DAGLB: variants seen among roughly 807,000 people sequenced by gnomAD.
The protein encoded by DAGLB is diacylglycerol lipase-beta.
Under a neutral mutation model 72.1 loss-of-function variants are expected in DAGLB, and 66 were observed. That is an observed-to-expected ratio of 0.92 (90% CI 0.75 to 1.12). The LOEUF (loss-of-function observed/expected upper bound fraction) is 1.12, where lower values mean the gene tolerates loss of function less well. DAGLB is among the 50% of genes most tolerant of loss of function. The pLI is 0.00. For missense variants in DAGLB, 1,065 were observed against 884.9 expected (o/e 1.20, Z -2.58); for synonymous variants, 414 against 359.5 (o/e 1.15, Z -1.71).
Position 6,412,810 on chromosome 7 carries a change from C to T in DAGLB, c.1569+1G>A. The T allele has an allele frequency of 6.3e-7, 1 of 1,582,848 alleles. No individual in the cohort carries two copies. Among genetic ancestry groups the T allele is most frequent in the Non-Finnish European group, 8.6e-7 (1 of 1,161,608 alleles). The stretch of plus-strand genomic sequence containing the variant: ...ACCCTCTCAACAAGGCACCCGCTTA[C>T]CTTGGGTTTATTGCAGTGCGCGACC... On this transcript the variant is annotated splice_donor_variant, in intron 13 of 14. Transcript: ENST00000297056. LOFTEE classifies it high-confidence loss of function.
chr7:6,430,387 T>C (rs1784449015), intron 6 of DAGLB, 93 bp downstream of exon 6: 2 of 1,354,960 alleles, frequency 1.5e-6, no homozygotes, highest in Admixed American at 6.0e-5. Flanking sequence ...TGGGAGTTCT[T>C]TGCACTGTTC....
Position 6,413,710 on chromosome 7 carries a change from C to G in DAGLB, c.1428-676G>C, listed in dbSNP as rs183475302. Among the ~76,000 whole-genome samples the G allele has an allele frequency of 3.3e-4, 50 of 152,256 alleles. 1 individual carries two copies. The East Asian group carries it at 9.1e-3, about 28-fold the overall frequency. On this transcript the variant is annotated intron_variant, in intron 11 of 14. Coordinates refer to ENST00000297056, the MANE Select transcript of DAGLB (RefSeq NM_139179.4). ...AGGCGATTCACTGCGGCAGAACCTGCACCGGCAGAGGCTGGAGCCTCCAAA... is the reference window on the plus strand; with the variant it reads ...AGGCGATTCACTGCGGCAGAACCTGGACCGGCAGAGGCTGGAGCCTCCAAA...
chr7:6,433,444 AAC>A (rs1040119318), intron 4 of DAGLB, among the ~76,000 whole-genome samples: 1 of 152,200 alleles, frequency 6.6e-6, no homozygotes, highest in Non-Finnish European at 1.5e-5. Flanking sequence ...CTGGGAAAGC[AAC>A]AGAGAGTGAG....
intron 5 of DAGLB, among the ~76,000 whole-genome samples, chr7:6,431,906 GAT>G (rs1784498366): frequency 6.6e-6 from 1 of 152,188 alleles, no homozygotes; most frequent in African/African-American, 2.4e-5. Flanking sequence ...CCGCCAATCA[GAT>G]TCCAACCCTG....
At chr7:6,419,081 C>CTTTT (rs1199596102) in intron 9 of DAGLB, among the ~76,000 whole-genome samples, 6 of 128,174 alleles carry the variant, frequency 4.7e-5, no homozygotes, top group Non-Finnish European at 6.5e-5. Flanking sequence ...ATGGCACTTC[C>CTTTT]TTTTTTTTTT....
chr7:6,432,940 C>T lies in DAGLB; in HGVS notation c.698G>A (p.Ser233Asn), dbSNP rs775914751. The change falls in exon 5 of 15, where the codon AGC becomes AAC. Residue 233 changes from serine to asparagine, a missense_variant. By Grantham distance (46) the Ser-to-Asn change is conservative. Coordinates refer to ENST00000297056, the MANE Select transcript of DAGLB (RefSeq NM_139179.4). ...CAGGGCGAGGCCCGCCGCAATGTCG[C>T]TGGGCACCAGATCTGTGTCCTGGGT... ...TYFSDTDLVPSDIAAGLALLH... is the reference protein window; with the variant it reads ...TYFSDTDLVPNDIAAGLALLH... 14 of 1,613,766 alleles carry T rather than the reference C, an allele frequency of 8.7e-6. No homozygotes were observed. The South Asian group carries it at 1.3e-4, about 15-fold the overall frequency.
intron 3 of DAGLB, 36 bp from the exon 4 acceptor site, chr7:6,435,056 C>A (rs770744819): frequency 3.7e-6 from 6 of 1,604,202 alleles, no homozygotes; most frequent in East Asian, 2.2e-5. Context: ...TCGGTGACTG[C>A]GGGCCCCAGC....
At position 6,434,775 on chromosome 7, in the gene DAGLB, G is replaced by A; in HGVS notation, c.665C>T (p.Ser222Leu). The A allele has an allele frequency of 6.2e-7, 1 of 1,614,178 alleles. No homozygotes were observed. Residue 222 changes from serine to leucine, a missense_variant, in exon 4 of 15, where the codon TCA becomes TTA. Coordinates refer to ENST00000297056, the MANE Select transcript of DAGLB (RefSeq NM_139179.4). ...CCCTCGGCTTACTGAAAAGTAGGTT[G>A]AGAAAAGCTCTGCCGTACTCGAAAA... ...VAFSSTAELF[S>L]TYFSDTDLVP...
At position 6,447,951 on chromosome 7, in the gene DAGLB, A is replaced by C. The variant is rs1583307611; in HGVS notation, c.-109T>G. On this transcript the variant is annotated 5_prime_UTR_variant, in exon 1 of 15. Coordinates refer to ENST00000297056, the MANE Select transcript of DAGLB (RefSeq NM_139179.4). ...CCAAATTATCGGCGCTCAAGCGCAA[A>C]CGCAGCGAGGGCGGGGACCTGCGCA... is the stretch of plus-strand genomic sequence containing the variant. 13 of 1,453,560 alleles carry C rather than the reference A, an allele frequency of 8.9e-6. No individual in the cohort carries two copies. The highest frequency in any genetic ancestry group is 1.2e-5 in the Non-Finnish European group (13 of 1,105,910). 90.0% of individuals were successfully genotyped at this position (1,453,560 alleles called of 1,614,324 possible).
chr7:6,413,640 A>G (rs904559901), intron 11 of DAGLB, among the ~76,000 whole-genome samples: 9 of 152,030 alleles, frequency 5.9e-5, no homozygotes, highest in African/African-American at 2.2e-4. Flanking sequence ...AAAAGAAAAA[A>G]AAAAAAAAAA....
intron 2 of DAGLB, among the ~76,000 whole-genome samples, chr7:6,443,192 AAAAAAAACAAAAAAC>A (rs1328978819): frequency 6.7e-6 from 1 of 150,148 alleles, no homozygotes; most frequent in African/African-American, 2.4e-5. Flanking sequence ...CCATCCGGAA[AAAAAAAACAAAAAAC>A]AAAAAAAACA....
intron 13 of DAGLB, among the ~76,000 whole-genome samples, chr7:6,412,192 G>A (rs779344393): frequency 2.2e-4 from 33 of 152,284 alleles, no homozygotes; most frequent in Middle Eastern, 3.4e-3. Context: ...GGGATTACAA[G>A]CGTGACCCAC....
intron 2 of DAGLB, among the ~76,000 whole-genome samples, chr7:6,437,578 C>T (rs1388756853): frequency 2.6e-5 from 4 of 152,102 alleles, no homozygotes; most frequent in African/African-American, 9.7e-5. Flanking sequence ...ACTACAGGTG[C>T]ACACCACCAC....
Position 6,421,718 on chromosome 7 carries a change from C to T in DAGLB, c.1218+9G>A, listed in dbSNP as rs892639742. 34 of 1,603,838 alleles carry T rather than the reference C, an allele frequency of 2.1e-5. No homozygotes were observed. The highest frequency in any genetic ancestry group is 6.7e-5 in the Admixed American group (4 of 59,642). ...TTCACAGGCAAGACACACGAGTCCG[C>T]GCTCATACCTTGTGTGCCAGGCGGT... On this transcript the variant is annotated intron_variant, in intron 9 of 14. Transcript: ENST00000297056.
chr7:6,444,596 T>A (rs1157379951), intron 2 of DAGLB, among the ~76,000 whole-genome samples: 1 of 150,482 alleles, frequency 6.6e-6, no homozygotes, highest in Non-Finnish European at 1.5e-5. Flanking sequence ...AGGGAGACTC[T>A]ATCTCAAAAA....
In DAGLB at chr7:6,412,853, C is replaced by A; in HGVS notation, c.1527G>T (p.Lys509Asn). 6.2e-7 allele frequency: 1 copy of A among 1,604,944 alleles called. No homozygotes were observed. The highest frequency in any genetic ancestry group is 8.5e-7 in the Non-Finnish European group (1 of 1,174,796). ...RLSVTNLEDL[K>N]RRILRVVAHC... ...GCGCGACCACTCGCAAGATTCTTCTCTTCAGATCTTCCAAGTTGGTCACAC... is the reference window on the plus strand; with the variant it reads ...GCGCGACCACTCGCAAGATTCTTCTATTCAGATCTTCCAAGTTGGTCACAC... The change falls in exon 13 of 15, where the codon AAG becomes AAT. Residue 509 changes from lysine (K) to asparagine (N), a missense_variant. Lys to Asn is a moderately conservative substitution (Grantham distance 94). Transcript: ENST00000297056.
At position 6,443,995 on chromosome 7, in the gene DAGLB, G is replaced by A. The variant is rs147727154; in HGVS notation, c.247+1958C>T. Among the ~76,000 whole-genome samples, 274 of 152,206 alleles carry A rather than the reference G, an allele frequency of 1.8e-3. 1 individual carries two copies. The highest frequency in any genetic ancestry group is 6.3e-3 in the African/African-American group (263 of 41,526). ...ATATGAAGAATAGGTGATCAGACGC[G>A]GTGGTTCACCCCTGTAATCCTAGCA... On this transcript the variant is annotated intron_variant, in intron 2 of 14. Coordinates refer to ENST00000297056, the MANE Select transcript of DAGLB (RefSeq NM_139179.4).
At position 6,428,652 on chromosome 7, in the gene DAGLB, A is replaced by G. The variant is rs1583292972; in HGVS notation, c.929+1828T>C. Among the ~76,000 whole-genome samples the G allele has an allele frequency of 2.6e-5, 4 of 151,734 alleles. No homozygotes were observed. In the East Asian group the frequency reaches 7.8e-4, roughly 29 times the overall value. ...CAGGTGTGTGCAACCATGTCCAGCT[A>G]ATTTCTGTATTTTTAGTAGAGACGG... On this transcript the variant is annotated intron_variant, in intron 6 of 14. Coordinates refer to ENST00000297056, the MANE Select transcript of DAGLB (RefSeq NM_139179.4).
chr7:6,440,670 G>C (rs1184016566), intron 2 of DAGLB, among the ~76,000 whole-genome samples: 1 of 152,194 alleles, frequency 6.6e-6, no homozygotes, highest in Non-Finnish European at 1.5e-5. Flanking sequence ...GCCATGGCGG[G>C]AAGTTCGAGA....
Sources: allele counts gnomAD v4.1 joint callset (sites outside exome capture counted in the v4.1 genomes callset), GRCh38; gene constraint gnomAD v4.1.1; transcripts MANE v1.5; gene names NCBI Gene and HGNC (gene_info 2026-07-23, HGNC 2026-07-21).